MDN1: variants seen among roughly 807,000 people sequenced by gnomAD.
MDN1 encodes the protein midasin AAA ATPase 1.
A neutral mutation model predicts 669.2 loss-of-function variants in MDN1; 266 were observed. That is an observed-to-expected ratio of 0.40 (90% CI 0.36 to 0.44). The LOEUF (loss-of-function observed/expected upper bound fraction) is 0.44. Among genes scored for constraint, MDN1 ranks in the 20% least tolerant of loss-of-function variants. The pLI is 1.00. For missense variants in MDN1, 5,940 were observed against 6,754.0 expected (o/e 0.88, Z 4.22); for synonymous variants, 2,385 against 2,457.1 (o/e 0.97, Z 0.87).
chr6:89,679,861 C>G (rs1003738763), intron 74 of MDN1, among the ~76,000 whole-genome samples: 2 of 152,188 alleles, frequency 1.3e-5, no homozygotes, highest in African/African-American at 4.8e-5. Flanking sequence ...CATCCTGCAG[C>G]GCATCCCCTC....
intron 49 of MDN1, 150 bp from the exon 50 acceptor site, chr6:89,710,944 G>A: frequency 1.8e-6 from 1 of 548,100 alleles, no homozygotes; most frequent in Non-Finnish European, 3.2e-6. Context: ...TAAAGGACTG[G>A]ATTTTTTATT....
At position 89,743,715 on chromosome 6, in the gene MDN1, C is replaced by CT; in HGVS notation, c.4179-2dup. 1 of 1,613,440 alleles carries CT rather than the reference C, an allele frequency of 6.2e-7. No individual in the cohort carries two copies. Among genetic ancestry groups the CT allele is most frequent in the Non-Finnish European group, 8.5e-7 (1 of 1,179,768 alleles). On this transcript the variant is annotated splice_acceptor_variant, in intron 29 of 101. Transcript: ENST00000369393. LOFTEE classifies it high-confidence loss of function. The stretch of plus-strand genomic sequence containing the variant: ...CTGACAGATAGTAGTTTTCCCACAC[C>CT]TGTTAGAGATGTGCAACTGATTAAC...
At chr6:89,662,320 A>G in intron 86 of MDN1, 81 bp from the exon 87 acceptor site, 1 of 1,440,572 alleles carries the variant, frequency 6.9e-7, no homozygotes, top group Middle Eastern at 2.0e-4. Context: ...TTAGACATGC[A>G]TAATTTCTGC....
intron 67 of MDN1, 112 bp from the exon 68 acceptor site, chr6:89,687,550 A>C (rs1234785336): frequency 1.3e-5 from 10 of 767,938 alleles, no homozygotes; most frequent in Non-Finnish European, 2.1e-5. Flanking sequence ...GCCCTTAAAC[A>C]ACTTGCACCA....
rs576136951 is a variant in MDN1, at chr6:89,744,103, T to TAAA, written c.4179-392_4179-390dup. ...GGGTAACAAGAGCGGAATGCCTTCT[T>TAAA]AAAAAAAAAAAAAAAAAAAAAAAAA... On this transcript the variant is annotated intron_variant, in intron 29 of 101. Transcript: ENST00000369393. Among the ~76,000 whole-genome samples, 138 of 36,706 alleles carry TAAA rather than the reference T, an allele frequency of 3.8e-3. 2 individuals are homozygous for TAAA. Among genetic ancestry groups the TAAA allele is most frequent in the African/African-American group, 5.0e-3 (58 of 11,682 alleles). The allele number at this position is 36,706 out of a possible 152,430, so 24.1% of individuals were successfully genotyped here.
chr6:89,672,932 A>T (rs1417971361), intron 80 of MDN1, among the ~76,000 whole-genome samples: 2 of 152,266 alleles, frequency 1.3e-5, no homozygotes, highest in Non-Finnish European at 2.9e-5. Context: ...ATAACAGTTA[A>T]GACAGTATGA....
rs1468161124 is a variant in MDN1 at position 89,695,897 on chromosome 6, T to C, written c.9479A>G (p.Gln3160Arg). 1 of 1,613,092 alleles carries C rather than the reference T, an allele frequency of 6.2e-7. No homozygotes were observed. Among genetic ancestry groups the C allele is most frequent in the South Asian group, 1.1e-5 (1 of 91,072 alleles). The change falls in exon 61 of 102, where the codon CAG becomes CGG. Residue 3160 changes from glutamine (Q) to arginine (R), a missense_variant. Physicochemically the swap from Gln to Arg is conservative, Grantham distance 43. Coordinates refer to ENST00000369393, the MANE Select transcript of MDN1 (RefSeq NM_014611.3). This position sits in a 1 kb window ranked among gnomAD's most constrained non-coding sequence, Gnocchi z 4.1. ...LPESRRQEYMQNCEQLLLGSS... is the reference protein window; with the variant it reads ...LPESRRQEYMRNCEQLLLGSS... ...CCCAAGCAGCAGCTGCTCACAGTTC[T>C]GCATGTACTCCTGCCGCCGGGACTC... is the stretch of plus-strand genomic sequence containing the variant.
Position 89,780,311 on chromosome 6 carries a change from AAAAGAAAAAAC to A in MDN1, c.1644-29_1644-19del. 3 of 1,521,848 alleles carry A rather than the reference AAAAGAAAAAAC, an allele frequency of 2.0e-6. No homozygotes were observed. The highest frequency in any genetic ancestry group is 2.3e-5 in the East Asian group (1 of 43,080). 94.3% of individuals were successfully genotyped at this position (1,521,848 alleles called of 1,614,324 possible). ...GCAGATCCCTTTAAAAAAAAGAAAG[AAAAGAAAAAAC>A]AAAGAAAAGACCACAGGCCAAAGAC... On this transcript the variant is annotated intron_variant, in intron 10 of 101. Coordinates refer to ENST00000369393, the MANE Select transcript of MDN1 (RefSeq NM_014611.3).
chr6:89,715,001 A>G (rs1412606038), intron 45 of MDN1, among the ~76,000 whole-genome samples: 1 of 152,224 alleles, frequency 6.6e-6, no homozygotes, highest in African/African-American at 2.4e-5. Flanking sequence ...TAACCTTCAG[A>G]TATTCCCCAG....
chr6:89,808,091 T>C (rs1364000890), intron 1 of MDN1, among the ~76,000 whole-genome samples: 2 of 152,018 alleles, frequency 1.3e-5, no homozygotes, highest in African/African-American at 2.4e-5. Flanking sequence ...TAATCACTTT[T>C]TTCTTTTTTT....
chr6:89,748,676 T>C (rs1358542442), intron 26 of MDN1, among the ~76,000 whole-genome samples: 1 of 151,720 alleles, frequency 6.6e-6, no homozygotes, highest in East Asian at 1.9e-4. Context: ...TCCTCATATG[T>C]AAATATCAGA....
intron 40 of MDN1, among the ~76,000 whole-genome samples, chr6:89,722,337 G>C (rs1814884361): frequency 1.3e-5 from 2 of 152,158 alleles, no homozygotes; most frequent in African/African-American, 2.4e-5. Flanking sequence ...AGTATCACCT[G>C]TCTGCCTCCT....
intron 73 of MDN1, among the ~76,000 whole-genome samples, chr6:89,682,776 CAAAA>C (rs1168971439): frequency 5.7e-5 from 2 of 35,284 alleles, no homozygotes; most frequent in African/African-American, 1.0e-4. Flanking sequence ...CTCATCTCTA[CAAAA>C]AAAAAAAAAA....
At chr6:89,796,362 A>G (rs541966362) in intron 2 of MDN1, among the ~76,000 whole-genome samples, 8 of 149,316 alleles carry the variant, frequency 5.4e-5, no homozygotes, top group African/African-American at 2.0e-4. Context: ...AAAAAAAAAA[A>G]CCAAACACTT....
At chr6:89,722,200 G>A (rs1814875549) in intron 40 of MDN1, among the ~76,000 whole-genome samples, 1 of 152,112 alleles carries the variant, frequency 6.6e-6, no homozygotes, top group Non-Finnish European at 1.5e-5. Context: ...TTACAAACAG[G>A]TATTTTTATT....
chr6:89,666,798 A>G (rs1426276780), intron 84 of MDN1, among the ~76,000 whole-genome samples: 1 of 152,156 alleles, frequency 6.6e-6, no homozygotes, highest in African/African-American at 2.4e-5. Context: ...AGAGAGCAAG[A>G]CCTCATCTCT....
At chr6:89,749,169 C>T in intron 26 of MDN1, 54 bp downstream of exon 26, 1 of 1,468,682 alleles carries the variant, frequency 6.8e-7, no homozygotes, top group Non-Finnish European at 9.2e-7. Flanking sequence ...CAAAAGAAGC[C>T]ATGAAATTTT....
rs566531950 is a variant in MDN1, at chr6:89,798,518, A to G, written c.330-3717T>C. Among the ~76,000 whole-genome samples, 3 of 152,306 alleles carry G rather than the reference A, an allele frequency of 2.0e-5. No individual in the cohort carries two copies. The East Asian group carries it at 5.8e-4, about 29-fold the overall frequency. On this transcript the variant is annotated intron_variant, in intron 2 of 101. Transcript: ENST00000369393. ...ACTCCATCTCAAAAAAAAAAAAGTG[A>G]AACAAATCTATGATGAATTTTAAGT...
Position 89,662,840 on chromosome 6 carries a change from C to G in MDN1, c.14364G>C (p.Glu4788Asp). 1 of 1,605,192 alleles carries G rather than the reference C, an allele frequency of 6.2e-7. No individual in the cohort carries two copies. Among genetic ancestry groups the G allele is most frequent in the South Asian group, 1.1e-5 (1 of 91,076 alleles). Residue 4788 changes from glutamate (E) to aspartate (D), a missense_variant, in exon 86 of 102, where the codon GAG (glutamate) becomes GAC (aspartate). By Grantham distance (45) the Glu-to-Asp change is conservative. Coordinates refer to ENST00000369393, the MANE Select transcript of MDN1 (RefSeq NM_014611.3). ...CTTCAGTTTTATTGTCTTCTTCCTC[C>G]TCATCTTCCTCCTCATCATCATCAC... is the stretch of plus-strand genomic sequence containing the variant. ...LWGDDDEEEDEEEEDNKTEET... is the reference protein window; with the variant it reads ...LWGDDDEEEDDEEEDNKTEET...
Sources: allele counts gnomAD v4.1 joint callset (sites outside exome capture counted in the v4.1 genomes callset), GRCh38; gene constraint gnomAD v4.1.1; non-coding constraint Gnocchi (gnomAD v3.1); transcripts MANE v1.5; gene names NCBI Gene and HGNC (gene_info 2026-07-23, HGNC 2026-07-21).